DEPDC1: variants seen among roughly 807,000 people sequenced by gnomAD.
The protein encoded by DEPDC1 is DEP domain containing 1.
In DEPDC1, 66 loss-of-function variants were observed where a neutral mutation model predicts 86.8. The ratio of observed to expected loss-of-function variants is 0.76; its 90% CI spans 0.62 to 0.93. DEPDC1 has a LOEUF of 0.93. Ranked by LOEUF, DEPDC1 falls within the 40% of genes least tolerant of loss-of-function variation. The probability of loss-of-function intolerance (pLI) is 0.00; values close to 1 mark genes in which losing one functional copy is unlikely to be tolerated. For synonymous variants in DEPDC1, 255 were observed against 314.9 expected (o/e 0.81, Z 2.02); for missense variants, 792 against 935.7 (o/e 0.85, Z 2.00).
rs77125738 is a variant in DEPDC1, at chr1:68,488,979, A to G, written c.527T>C (p.Ile176Thr). The G allele has an allele frequency of 2.3e-4, 375 of 1,606,624 alleles. 2 individuals carry two copies. The East Asian group carries it at 7.3e-3, about 31-fold the overall frequency. ...TTCCTGGCTTAGTTCTCTATTATCAATTGCATTTTCTTGATCTTCATTGAT... is the reference window on the plus strand; with the variant it reads ...TTCCTGGCTTAGTTCTCTATTATCAGTTGCATTTTCTTGATCTTCATTGAT... ...EIINEDQENA[I>T]DNRELSQEDV... The change falls in exon 4 of 12, where the codon ATT becomes ACT. Residue 176 changes from isoleucine to threonine, a missense_variant. Coordinates refer to ENST00000456315, the MANE Select transcript of DEPDC1 (RefSeq NM_001114120.3).
chr1:68,496,976 G>A lies in DEPDC1; in HGVS notation c.24C>T (p.Pro8=), dbSNP rs1449777957. 1.2e-6 allele frequency: 2 copies of A among 1,613,382 alleles called. No homozygotes were observed. Among genetic ancestry groups the A allele is most frequent in the Non-Finnish European group, 1.7e-6 (2 of 1,179,536 alleles). The stretch of plus-strand genomic sequence containing the variant: ...CCAGCTTGGTGGCCCGATAAGGCCC[G>A]GGAGGCACACCCTGACTCTCCATAG... The part of the protein sequence containing the change: MESQGVP[P]GPYRATKLWN... The change falls in exon 1 of 12, where the codon CCC becomes CCT. Residue 8 remains proline, a synonymous_variant. Transcript: ENST00000456315. This position sits in a 1 kb window ranked among gnomAD's most constrained non-coding sequence, Gnocchi z 4.0.
At chr1:68,484,931 T>C (rs1646183041) in intron 6 of DEPDC1, among the ~76,000 whole-genome samples, 2 of 130,720 alleles carry the variant, frequency 1.5e-5, no homozygotes, top group Admixed American at 7.8e-5. Flanking sequence ...AGTAATCTTC[T>C]GGAGGCATAT....
At chr1:68,478,989 T>A (rs1646135563) in intron 10 of DEPDC1, 155 bp downstream of exon 10, 1 of 594,820 alleles carries the variant, frequency 1.7e-6, no homozygotes. Context: ...AAGAGTCATA[T>A]AGCTATTTGA....
At chr1:68,486,709 A>C (rs1023037226) in intron 6 of DEPDC1, among the ~76,000 whole-genome samples, 8 of 152,020 alleles carry the variant, frequency 5.3e-5, no homozygotes, top group Non-Finnish European at 7.4e-5. Context: ...CTAAACCATA[A>C]ATAATATGCT....
At position 68,496,978 on chromosome 1, in the gene DEPDC1, G is replaced by T. The variant is rs1378241149; in HGVS notation, c.22C>A (p.Pro8Thr). 1 of 1,613,504 alleles carries T rather than the reference G, an allele frequency of 6.2e-7. No homozygotes were observed. Among genetic ancestry groups the T allele is most frequent in the Admixed American group, 1.7e-5 (1 of 60,010 alleles). ...AGCTTGGTGGCCCGATAAGGCCCGG[G>T]AGGCACACCCTGACTCTCCATAGGT... is the stretch of plus-strand genomic sequence containing the variant. The part of the protein sequence containing the change: MESQGVP[P>T]GPYRATKLWN... The change falls in exon 1 of 12, where the codon CCC (proline) becomes ACC (threonine). Residue 8 changes from proline (P) to threonine (T), a missense_variant. Physicochemically the swap from Pro to Thr is conservative, Grantham distance 38. Transcript: ENST00000456315. This position sits in a 1 kb window ranked among gnomAD's most constrained non-coding sequence, Gnocchi z 4.0.
Position 68,497,060 on chromosome 1 carries a change from G to T in DEPDC1, c.-61C>A. On this transcript the variant is annotated 5_prime_UTR_variant, in exon 1 of 12. Coordinates refer to ENST00000456315, the MANE Select transcript of DEPDC1 (RefSeq NM_001114120.3). ...AAGGCGACACTCAGGCCCAGCGGCCGCGGCAGTGGCGAGTCTCGGCACAAC... is the reference window on the plus strand; with the variant it reads ...AAGGCGACACTCAGGCCCAGCGGCCTCGGCAGTGGCGAGTCTCGGCACAAC... The T allele has an allele frequency of 6.3e-7, 1 of 1,574,944 alleles. No homozygotes were observed. Among genetic ancestry groups the T allele is most frequent in the Non-Finnish European group, 8.7e-7 (1 of 1,148,156 alleles).
At chr1:68,477,594 G>C (rs1646124560) in intron 11 of DEPDC1, among the ~76,000 whole-genome samples, 193 bp downstream of exon 11, 1 of 151,712 alleles carries the variant, frequency 6.6e-6, no homozygotes. Context: ...TCAGGATAAA[G>C]AGCAAAATCA....
intron 6 of DEPDC1, among the ~76,000 whole-genome samples, chr1:68,485,480 A>G (rs1212869022): frequency 6.6e-6 from 1 of 152,082 alleles, no homozygotes; most frequent in Non-Finnish European, 1.5e-5. Flanking sequence ...TCGAATAACA[A>G]GTAAAGTAAG....
intron 11 of DEPDC1, 93 bp from the exon 12 acceptor site, chr1:68,477,162 C>T: frequency 9.1e-7 from 1 of 1,101,436 alleles, no homozygotes; most frequent in Non-Finnish European, 1.3e-6. Flanking sequence ...GTGTTTTTCT[C>T]AAAGACGTAG....
chr1:68,488,903 A>T lies in DEPDC1; in HGVS notation c.590+13T>A. ...CACATCAGGAACTTCATTAAAGCTTAATTTTATCTTACTAGATCAGAATAA... is the reference window on the plus strand; with the variant it reads ...CACATCAGGAACTTCATTAAAGCTTTATTTTATCTTACTAGATCAGAATAA... On this transcript the variant is annotated intron_variant, in intron 4 of 11. Transcript: ENST00000456315. 1 of 1,466,032 alleles carries T rather than the reference A, an allele frequency of 6.8e-7. No individual in the cohort carries two copies. The highest frequency in any genetic ancestry group is 9.5e-7 in the Non-Finnish European group (1 of 1,048,590). The allele number at this position is 1,466,032 out of a possible 1,614,324, so 90.8% of individuals were successfully genotyped here.
Position 68,486,881 on chromosome 1 carries a change from AACACACACACACAC to A in DEPDC1, c.769+42_769+55del, listed in dbSNP as rs55915411. The A allele has an allele frequency of 7.1e-5, 84 of 1,177,440 alleles. No individual in the cohort carries two copies. The Middle Eastern group carries it at 8.3e-4, about 12-fold the overall frequency. 72.9% of individuals were successfully genotyped at this position (1,177,440 alleles called of 1,614,324 possible). A position where few individuals can be genotyped will look rare whatever the true frequency, so the allele number is the denominator to read the frequency against. On this transcript the variant is annotated intron_variant, in intron 6 of 11. Coordinates refer to ENST00000456315, the MANE Select transcript of DEPDC1 (RefSeq NM_001114120.3). ...GGTTCTTGTTAAATACTATCAATATAACACACACACACACACACACACACACACACACACACACA... is the reference window on the plus strand; with the variant it reads ...GGTTCTTGTTAAATACTATCAATATAACACACACACACACACACACACACA...
chr1:68,488,248 T>G, intron 5 of DEPDC1, 126 bp downstream of exon 5: 1 of 800,316 alleles, frequency 1.2e-6, no homozygotes, highest in Non-Finnish European at 1.8e-6. Flanking sequence ...CTAAAGAACT[T>G]ATGATAGCCC....
Position 68,482,663 on chromosome 1 carries a change from A to C in DEPDC1, c.1145T>G (p.Leu382Arg), listed in dbSNP as rs747456457. The stretch of plus-strand genomic sequence containing the variant: ...CACTCTTCTGTTTCTTAAATTAACT[A>C]GCTGCATTTTCTTAGCACATCTTTC... ...FQERCAKKMQ[L>R]VNLRNRRVSA... The change falls in exon 8 of 12, where the codon CTA (leucine) becomes CGA (arginine). Residue 382 changes from leucine to arginine, a missense_variant. Physicochemically the swap from Leu to Arg is moderately radical, Grantham distance 102 (BLOSUM62 -2). Coordinates refer to ENST00000456315, the MANE Select transcript of DEPDC1 (RefSeq NM_001114120.3). 2.4e-5 allele frequency: 39 copies of C among 1,612,540 alleles called. No homozygotes were observed. Among genetic ancestry groups the C allele is most frequent in the Non-Finnish European group, 3.0e-5 (35 of 1,179,276 alleles).
chr1:68,487,312 A>T, intron 5 of DEPDC1, among the ~76,000 whole-genome samples: 1 of 151,960 alleles, frequency 6.6e-6, no homozygotes, highest in East Asian at 1.9e-4. Flanking sequence ...TTTATCTACT[A>T]CCACTATCTT....
chr1:68,481,356 A>C, intron 9 of DEPDC1, 84 bp downstream of exon 9: 1 of 1,217,154 alleles, frequency 8.2e-7, no homozygotes, highest in South Asian at 1.5e-5. Context: ...CTAAGACATC[A>C]CTTGAGTAGT....
Position 68,478,030 on chromosome 1 carries a change from A to C in DEPDC1, c.2113-58T>G, listed in dbSNP as rs952044007. 13 of 1,286,290 alleles carry C rather than the reference A, an allele frequency of 1.0e-5. No individual in the cohort carries two copies. In the African/African-American group the frequency reaches 2.0e-4, roughly 19 times the overall value. The allele number at this position is 1,286,290 out of a possible 1,614,324, so 79.7% of individuals were successfully genotyped here. On this transcript the variant is annotated intron_variant, in intron 10 of 11. Coordinates refer to ENST00000456315, the MANE Select transcript of DEPDC1 (RefSeq NM_001114120.3). Reference sequence around the variant, plus strand: ...TTCTGGTCATGTTCTTATATGATAAAGTATTCTTTTGATGGGATCTAGCAC... The same window carrying C: ...TTCTGGTCATGTTCTTATATGATAACGTATTCTTTTGATGGGATCTAGCAC...
In DEPDC1 at chr1:68,474,806, G is replaced by A. The variant is rs533285544; in HGVS notation, c.*2126C>T. The stretch of plus-strand genomic sequence containing the variant: ...CCTTCCTCATCAAATTTTCCTTCTT[G>A]ACTAGATTAAAAAATTTCAACCAGT... On this transcript the variant is annotated 3_prime_UTR_variant, in exon 12 of 12. Coordinates refer to ENST00000456315, the MANE Select transcript of DEPDC1 (RefSeq NM_001114120.3). 1 of 151,986 alleles carries A rather than the reference G, an allele frequency of 6.6e-6. No individual in the cohort carries two copies. The highest frequency in any genetic ancestry group is 2.1e-4 in the South Asian group (1 of 4,806). The allele number at this position is 151,986 out of a possible 1,614,324, so 9.4% of individuals were successfully genotyped here.
At chr1:68,491,497 T>TA (rs1247765538) in intron 2 of DEPDC1, among the ~76,000 whole-genome samples, 1 of 152,030 alleles carries the variant, frequency 6.6e-6, no homozygotes, top group Non-Finnish European at 1.5e-5. Flanking sequence ...TGGACACTAT[T>TA]AAAAAACAAA....
At chr1:68,495,241 T>C (rs1646257479) in intron 1 of DEPDC1, among the ~76,000 whole-genome samples, 1 of 152,194 alleles carries the variant, frequency 6.6e-6, no homozygotes, top group Non-Finnish European at 1.5e-5. Context: ...AAGAACTTCA[T>C]TGGCTGATCT....
Sources: allele counts gnomAD v4.1 joint callset (sites outside exome capture counted in the v4.1 genomes callset), GRCh38; gene constraint gnomAD v4.1.1; non-coding constraint Gnocchi (gnomAD v3.1); transcripts MANE v1.5; gene names NCBI Gene and HGNC (gene_info 2026-07-23, HGNC 2026-07-21).